The following RBFOX1 variants were observed in gnomAD, a reference collection of about 807,000 sequenced individuals.
RBFOX1 encodes the protein RNA binding protein fox-1 homolog 1.
Under a neutral mutation model 57.7 loss-of-function variants are expected in RBFOX1, and 8 were observed. The ratio of observed to expected loss-of-function variants is 0.14; its 90% CI spans 0.08 to 0.25. RBFOX1 has a LOEUF of 0.25. RBFOX1 is among the 10% of genes least tolerant of loss of function. The pLI, the probability that RBFOX1 is intolerant of heterozygous loss-of-function variation, is 1.00. For synonymous variants in RBFOX1, 326 were observed against 222.4 expected, an observed-to-expected ratio of 1.47 and a Z score of -4.15; for missense variants, 611 against 548.5, an observed-to-expected ratio of 1.11 and a Z score of -1.14.
At chr16:6,627,508 C>T (rs950842473) in intron 2 of RBFOX1, among the ~76,000 whole-genome samples, 1 of 152,136 alleles carries the variant, frequency 6.6e-6, no homozygotes, top group African/African-American at 2.4e-5. Flanking sequence ...CTGAAACAGT[C>T]ATAACACAGT....
At chr16:6,211,188 C>CTTATTG (rs777911340) in intron 1 of RBFOX1, among the ~76,000 whole-genome samples, 1 of 91,308 alleles carries the variant, frequency 1.1e-5, no homozygotes, top group Admixed American at 1.1e-4. Flanking sequence ...TTTTCTTCTT[C>CTTATTG]TTTTTTTTTT....
At chr16:5,972,241 G>A (rs1296745794) in intron 4 of RBFOX1, among the ~76,000 whole-genome samples, 1 of 151,826 alleles carries the variant, frequency 6.6e-6, no homozygotes, top group East Asian at 1.9e-4. Context: ...TATCTGTTCT[G>A]ATCCTCTGGA....
Position 5,454,901 on chromosome 16 carries a change from T to TC in RBFOX1, c.220-12314dup, listed in dbSNP as rs1491308292. 3.0e-3 allele frequency among the ~76,000 whole-genome samples: 356 copies of TC among 120,170 alleles called. 7 individuals carry two copies. Among genetic ancestry groups the TC allele is most frequent in the Non-Finnish European group, 4.9e-3 (274 of 56,430 alleles). The allele number at this position is 120,170 out of a possible 152,430, so 78.8% of individuals were successfully genotyped here. A position where few individuals can be genotyped will look rare whatever the true frequency, so the allele number is the denominator to read the frequency against. On this transcript the variant is annotated intron_variant, in intron 1 of 2. Transcript: ENST00000585867. ...TTCTTTCTTTCTTTCTTTCTTTCTT[T>TC]CTTTCTTTCTTTCCTTTGTTTCTTT...
At chr16:6,976,620 A>C (rs1194965706) in intron 3 of RBFOX1, among the ~76,000 whole-genome samples, 1 of 151,002 alleles carries the variant, frequency 6.6e-6, no homozygotes, top group Non-Finnish European at 1.5e-5. Context: ...CGAAAGTAAG[A>C]GGAAGAACGC....
chr16:7,393,775 C>G (rs1310086207), intron 4 of RBFOX1, among the ~76,000 whole-genome samples: 1 of 152,320 alleles, frequency 6.6e-6, no homozygotes, highest in Non-Finnish European at 1.5e-5. Flanking sequence ...CGCCTTACCC[C>G]TTACCTCCAC....
intron 3 of RBFOX1, among the ~76,000 whole-genome samples, chr16:6,855,224 C>T (rs960397912): frequency 6.6e-6 from 1 of 151,758 alleles, no homozygotes; most frequent in African/African-American, 2.4e-5. Context: ...GATAAGCATG[C>T]AGTGAACATA....
chr16:7,108,403 A>G (rs2064003184), intron 4 of RBFOX1, among the ~76,000 whole-genome samples: 2 of 152,228 alleles, frequency 1.3e-5, no homozygotes, highest in African/African-American at 2.4e-5. Context: ...GTGTAATGCA[A>G]TATAAGACTT....
At chr16:6,954,728 G>C (rs1462641409) in intron 3 of RBFOX1, among the ~76,000 whole-genome samples, 1 of 152,092 alleles carries the variant, frequency 6.6e-6, no homozygotes, top group Non-Finnish European at 1.5e-5. Flanking sequence ...GTGAGGAGAT[G>C]AGCCCCAGAG....
intron 3 of RBFOX1, among the ~76,000 whole-genome samples, chr16:6,834,678 T>G (rs1268698153): frequency 1.3e-5 from 2 of 152,144 alleles, no homozygotes; most frequent in African/African-American, 4.8e-5. Flanking sequence ...TTATAAAATT[T>G]AGAATAATAT....
chr16:6,034,976 T>TCAATGTA (rs565685127), intron 1 of RBFOX1, among the ~76,000 whole-genome samples: 45,102 of 151,608 alleles, frequency 0.3, 6,879 homozygotes, highest in African/African-American at 0.37. Context: ...GAGAGCATAC[T>TCAATGTA]ATTGAGTTAC....
intron 4 of RBFOX1, among the ~76,000 whole-genome samples, chr16:7,404,436 C>A (rs967438778): frequency 6.6e-6 from 1 of 152,182 alleles, no homozygotes; most frequent in Admixed American, 6.5e-5. Flanking sequence ...CCAGTGATAG[C>A]TTCTTAGAGG....
At chr16:6,455,671 C>T (rs970449511) in intron 2 of RBFOX1, among the ~76,000 whole-genome samples, 5 of 152,138 alleles carry the variant, frequency 3.3e-5, no homozygotes, top group Non-Finnish European at 7.3e-5. Flanking sequence ...GAATATATGA[C>T]GACTTTTTAA....
rs1010990327 is a variant in RBFOX1 at position 7,438,088 on chromosome 16, G to A, written c.28-80059G>A. 7.9e-5 allele frequency among the ~76,000 whole-genome samples: 12 copies of A among 152,130 alleles called. 1 individual carries two copies. The highest frequency in any genetic ancestry group is 2.4e-4 in the African/African-American group (10 of 41,424). On this transcript the variant is annotated intron_variant, in intron 4 of 15. Transcript: ENST00000550418. ...AGTTCTGAGATGGGACTTGCTCCGCGATGCTTGTCTGACATCAGCTATTAA... is the reference window on the plus strand; with the variant it reads ...AGTTCTGAGATGGGACTTGCTCCGCAATGCTTGTCTGACATCAGCTATTAA...
chr16:6,404,389 T>C (rs1184264142), intron 2 of RBFOX1, among the ~76,000 whole-genome samples: 1 of 152,286 alleles, frequency 6.6e-6, no homozygotes, highest in South Asian at 2.1e-4. Flanking sequence ...CTGTGGCTAC[T>C]GAGGGACCAC....
chr16:5,296,161 T>C (rs2063662793), intron 1 of RBFOX1, among the ~76,000 whole-genome samples: 2 of 152,202 alleles, frequency 1.3e-5, no homozygotes, highest in African/African-American at 4.8e-5. Flanking sequence ...CCTGAATCTT[T>C]TTTCCAATCT....
In RBFOX1 at chr16:5,999,571, G is replaced by A. The variant is rs917184948; in HGVS notation, c.351+132236G>A. 3.9e-5 allele frequency among the ~76,000 whole-genome samples: 6 copies of A among 152,228 alleles called. No homozygotes were observed. In the South Asian group the frequency reaches 8.3e-4, roughly 21 times the overall value. On this transcript the variant is annotated intron_variant, in intron 4 of 19. Coordinates refer to the RBFOX1 transcript ENST00000641259. The stretch of plus-strand genomic sequence containing the variant: ...AAGGAAGAAGGGTTGGCCGGGCGCC[G>A]CTGGGTGCGGCTGGGCTTGGTGGCT...
chr16:7,584,300 T>C (rs1441976037), intron 6 of RBFOX1, among the ~76,000 whole-genome samples: 1 of 152,144 alleles, frequency 6.6e-6, no homozygotes, highest in Admixed American at 6.5e-5. Flanking sequence ...ATCTTGTTTG[T>C]TTTGTTTTTT....
Position 6,717,520 on chromosome 16 carries a change from C to G in RBFOX1, c.-16+62870C>G, listed in dbSNP as rs914592467. 3.3e-5 allele frequency among the ~76,000 whole-genome samples: 5 copies of G among 151,686 alleles called. No homozygotes were observed. In the East Asian group the frequency reaches 9.7e-4, roughly 29 times the overall value. ...AGGTTTAGAAGCAGAGATTTAACAA[C>G]CAAAAATTGTGCATAGTCAACCTGA... On this transcript the variant is annotated intron_variant, in intron 3 of 15. Coordinates refer to ENST00000550418, the MANE Select transcript of RBFOX1 (RefSeq NM_018723.4).
intron 3 of RBFOX1, among the ~76,000 whole-genome samples, chr16:5,765,516 C>CT (rs1291659927): frequency 1.3e-5 from 2 of 152,200 alleles, no homozygotes; most frequent in Non-Finnish European, 2.9e-5. Context: ...AGGGCAAGGA[C>CT]TTTGTCTAAT....
Sources: gnomAD v4.1 joint callset for allele counts (sites outside exome capture counted in the v4.1 genomes callset) on GRCh38, gnomAD v4.1.1 for gene constraint, MANE v1.5 for transcripts, NCBI Gene and HGNC (gene_info 2026-07-23, HGNC 2026-07-21) for gene names.